GNA12: variants seen among roughly 807,000 people sequenced by gnomAD.
GNA12 encodes the protein G protein subunit alpha 12.
In GNA12, 9 loss-of-function variants were observed where a neutral mutation model predicts 26.0. The ratio of observed to expected loss-of-function variants is 0.35; its 90% CI spans 0.21 to 0.60. GNA12 has a LOEUF of 0.60. Ranked by LOEUF, GNA12 falls within the 20% of genes least tolerant of loss-of-function variation. GNA12 has a pLI of 0.78. For missense variants in GNA12, 405 were observed against 525.8 expected, an observed-to-expected ratio of 0.77 and a Z score of 2.25; for synonymous variants, 264 against 219.6, an observed-to-expected ratio of 1.20 and a Z score of -1.79.
At chr7:2,785,404 C>T (rs1792333052) in intron 2 of GNA12, among the ~76,000 whole-genome samples, 1 of 152,170 alleles carries the variant, frequency 6.6e-6, no homozygotes, top group African/African-American at 2.4e-5. Flanking sequence ...TTTCTCAGGT[C>T]CTTCTGACTG....
intron 2 of GNA12, among the ~76,000 whole-genome samples, chr7:2,766,664 G>A (rs1156753347): frequency 6.6e-6 from 1 of 152,166 alleles, no homozygotes; most frequent in South Asian, 2.1e-4. Context: ...GGGATTACAG[G>A]TGTGAGCCAC....
intron 2 of GNA12, chr7:2,762,647 G>A (rs751058368): frequency 9.3e-5 from 149 of 1,597,930 alleles, no homozygotes; most frequent in Non-Finnish European, 1.2e-4. Flanking sequence ...AGCACAGAGC[G>A]GCAGGACGAT....
chr7:2,786,532 C>G (rs1792365526), intron 2 of GNA12, among the ~76,000 whole-genome samples: 1 of 152,162 alleles, frequency 6.6e-6, no homozygotes, highest in African/African-American at 2.4e-5. Context: ...TTACAGAAAA[C>G]TAAACGTATA....
chr7:2,744,069 C>G (rs1025601284), intron 2 of GNA12, among the ~76,000 whole-genome samples: 6 of 152,240 alleles, frequency 3.9e-5, no homozygotes, highest in African/African-American at 1.2e-4. Context: ...GGCCTGCCTG[C>G]CTCTGTAGGT....
At chr7:2,806,881 C>G (rs1430923969) in intron 1 of GNA12, among the ~76,000 whole-genome samples, 1 of 152,118 alleles carries the variant, frequency 6.6e-6, no homozygotes, top group African/African-American at 2.4e-5. Flanking sequence ...ACATATATGG[C>G]TATTTTCTTG....
chr7:2,803,350 A>T (rs761056293), intron 1 of GNA12, among the ~76,000 whole-genome samples: 3 of 152,190 alleles, frequency 2.0e-5, no homozygotes, highest in Non-Finnish European at 4.4e-5. Flanking sequence ...GCTTTGGAAA[A>T]GGAGAATGGC....
At chr7:2,739,243 T>C (rs1208637299) in intron 2 of GNA12, among the ~76,000 whole-genome samples, 2 of 152,202 alleles carry the variant, frequency 1.3e-5, no homozygotes, top group Non-Finnish European at 1.5e-5. Context: ...ACCTTCAAAA[T>C]GTTGTACGGC....
At chr7:2,765,311 C>A (rs2115411389) in intron 2 of GNA12, among the ~76,000 whole-genome samples, 1 of 152,226 alleles carries the variant, frequency 6.6e-6, no homozygotes, top group East Asian at 1.9e-4. Context: ...CTGCGCCCGC[C>A]TAATTTTTTT....
intron 2 of GNA12, among the ~76,000 whole-genome samples, chr7:2,763,983 G>A (rs1410200823): frequency 2.0e-5 from 3 of 152,198 alleles, no homozygotes; most frequent in Non-Finnish European, 4.4e-5. Flanking sequence ...CATGAGAACA[G>A]GGTACGCACC....
At chr7:2,754,886 TCTA>T (rs937744536) in intron 2 of GNA12, among the ~76,000 whole-genome samples, 9 of 152,350 alleles carry the variant, frequency 5.9e-5, no homozygotes, top group African/African-American at 2.2e-4. Context: ...CCAAGGAGTT[TCTA>T]CTGTTATCTT....
chr7:2,778,008 A>G (rs1221582077), intron 2 of GNA12, among the ~76,000 whole-genome samples: 2 of 152,210 alleles, frequency 1.3e-5, no homozygotes, highest in Admixed American at 6.5e-5. Context: ...TTTACCAAAC[A>G]GCAAATCACA....
chr7:2,762,992 T>C (rs1791639909), intron 2 of GNA12: 1 of 1,299,734 alleles, frequency 7.7e-7, no homozygotes, highest in Admixed American at 4.0e-5. Context: ...CCTTGTGTGC[T>C]ACTGTGGTCG....
At chr7:2,832,053 A>G (rs1217256107) in intron 1 of GNA12, among the ~76,000 whole-genome samples, 1 of 152,148 alleles carries the variant, frequency 6.6e-6, no homozygotes. Flanking sequence ...ACCTTGACTG[A>G]GCATCAAACT....
intron 2 of GNA12, among the ~76,000 whole-genome samples, chr7:2,776,861 G>A (rs1792090801): frequency 6.6e-6 from 1 of 152,132 alleles, no homozygotes; most frequent in Non-Finnish European, 1.5e-5. Flanking sequence ...GAGGTGGGAG[G>A]ATCACTTGAA....
chr7:2,762,940 C>T, intron 2 of GNA12: 2 of 1,380,898 alleles, frequency 1.4e-6, no homozygotes, highest in Non-Finnish European at 1.9e-6. Context: ...CCAGACACTC[C>T]CGTGGGGCCC....
At chr7:2,803,676 G>C (rs1361541153) in intron 1 of GNA12, among the ~76,000 whole-genome samples, 1 of 152,168 alleles carries the variant, frequency 6.6e-6, no homozygotes. Flanking sequence ...TCCAAGCTAA[G>C]CTTCTCAAGA....
intron 2 of GNA12, among the ~76,000 whole-genome samples, chr7:2,793,846 C>A (rs1303627300): frequency 2.1e-5 from 3 of 140,506 alleles, no homozygotes; most frequent in Admixed American, 7.6e-5. Flanking sequence ...GGCGCCACTG[C>A]ACTCCAGGCT....
intron 2 of GNA12, chr7:2,763,055 A>G: frequency 8.0e-7 from 1 of 1,246,576 alleles, no homozygotes; most frequent in Non-Finnish European, 1.0e-6. Context: ...TTCCTCCAGG[A>G]CGCAGACCGG....
At chr7:2,832,817 G>GA (rs1778715054) in intron 1 of GNA12, among the ~76,000 whole-genome samples, 1 of 152,168 alleles carries the variant, frequency 6.6e-6, no homozygotes, top group Non-Finnish European at 1.5e-5. Flanking sequence ...AGAGCGGCTG[G>GA]ATGTGCTGCC....
Sources: gnomAD v4.1 joint callset for allele counts (sites outside exome capture counted in the v4.1 genomes callset) on GRCh38, gnomAD v4.1.1 for gene constraint, MANE v1.5 for transcripts, NCBI Gene and HGNC (gene_info 2026-07-23, HGNC 2026-07-21) for gene names.